BMP8A: variants seen among roughly 807,000 people sequenced by gnomAD.
BMP8A encodes bone morphogenetic protein 8a.
In BMP8A, 14 loss-of-function variants were observed where a neutral mutation model predicts 36.8. The observed-to-expected ratio is 0.38, with a 90% confidence interval of 0.25 to 0.60. The LOEUF is 0.60. BMP8A is among the 20% of genes least tolerant of loss of function. BMP8A has a pLI of 0.63. For synonymous variants in BMP8A, 120 were observed against 237.7 expected, an observed-to-expected ratio of 0.50 and a Z score of 4.55; for missense variants, 267 against 551.1, an observed-to-expected ratio of 0.48 and a Z score of 5.16.
At chr1:39,517,167 T>A (rs552918500) in intron 3 of BMP8A, among the ~76,000 whole-genome samples, 3 of 152,090 alleles carry the variant, frequency 2.0e-5, no homozygotes, top group East Asian at 1.9e-4. Context: ...TTTTATTTTT[T>A]AAATTTATTT....
chr1:39,525,908 T>C lies in BMP8A; in HGVS notation c.*110T>C. On this transcript the variant is annotated 3_prime_UTR_variant, in exon 7 of 7. Transcript: ENST00000331593. The stretch of plus-strand genomic sequence containing the variant: ...GCTCAAGCAGGAGTGTCAGGGGCCC[T>C]CACTCTCGGTGCCTACTTCCTGTCA... 2 of 1,528,226 alleles carry C rather than the reference T, an allele frequency of 1.3e-6. No homozygotes were observed. The highest frequency in any genetic ancestry group is 1.8e-6 in the Non-Finnish European group (2 of 1,131,184). 94.7% of individuals were successfully genotyped at this position (1,528,226 alleles called of 1,614,324 possible). A position where few individuals can be genotyped will look rare whatever the true frequency, so the allele number is the denominator to read the frequency against.
intron 3 of BMP8A, among the ~76,000 whole-genome samples, chr1:39,516,911 A>C (rs1162107233): frequency 1.3e-5 from 2 of 152,022 alleles, no homozygotes; most frequent in Non-Finnish European, 2.9e-5. Context: ...GCAGTGAGAA[A>C]TAGGCGAGCA....
intron 3 of BMP8A, chr1:39,516,093 T>C: frequency 4.2e-6 from 3 of 720,558 alleles, no homozygotes; most frequent in Middle Eastern, 7.2e-4. Context: ...TTCGCCATGA[T>C]CCGAGGGGGA....
intron 1 of BMP8A, among the ~76,000 whole-genome samples, chr1:39,496,193 C>T (rs1158845708): frequency 7.2e-6 from 1 of 138,108 alleles, no homozygotes; most frequent in East Asian, 2.2e-4. Context: ...AGTTCTGTAG[C>T]ACCTACCACG....
Position 39,511,224 on chromosome 1 carries a change from C to A in BMP8A, c.385C>A (p.Arg129Ser). ...CCAGGAGCCCCATTGGAAGGAGTTCCGCTTTGACCTGACCCAGATCCCGGC... is the reference window on the plus strand; with the variant it reads ...CCAGGAGCCCCATTGGAAGGAGTTCAGCTTTGACCTGACCCAGATCCCGGC... ...GHQEPHWKEF[R>S]FDLTQIPAGE... is the part of the protein sequence containing the mutation. Residue 129 changes from arginine (R) to serine (S), a missense_variant, in exon 2 of 7, where the codon CGC becomes AGC. By Grantham distance (110) the Arg-to-Ser change is moderately radical. Transcript: ENST00000331593. The A allele has an allele frequency of 2.8e-6, 4 of 1,447,662 alleles. No homozygotes were observed. Among genetic ancestry groups the A allele is most frequent in the Non-Finnish European group, 9.3e-7 (1 of 1,077,578 alleles). 89.7% of individuals were successfully genotyped at this position (1,447,662 alleles called of 1,614,324 possible).
At chr1:39,511,085 G>A in intron 1 of BMP8A, 89 bp from the exon 2 acceptor site, 4 of 1,572,360 alleles carry the variant, frequency 2.5e-6, no homozygotes, top group Non-Finnish European at 3.5e-6. Flanking sequence ...TGAGTGGTGG[G>A]TGTCTGGGGG....
intron 2 of BMP8A, 73 bp downstream of exon 2, chr1:39,511,436 G>A: frequency 1.8e-6 from 1 of 555,114 alleles, no homozygotes; most frequent in South Asian, 2.1e-5. Flanking sequence ...CAGCCCAGCA[G>A]GGAGTCGTGG....
At chr1:39,493,861 C>T (rs958006668) in intron 1 of BMP8A, among the ~76,000 whole-genome samples, 23 of 152,154 alleles carry the variant, frequency 1.5e-4, no homozygotes, top group African/African-American at 5.3e-4. Context: ...CAAGAATGTC[C>T]CCAGGGAGCC....
In BMP8A at chr1:39,491,869, C is replaced by A; in HGVS notation, c.-123C>A. ...CCAGGGACCGCGCTGAGGCCGCAGA[C>A]GCCGCCCGCCGAGCCCCGCCCCCTG... is the stretch of plus-strand genomic sequence containing the variant. On this transcript the variant is annotated 5_prime_UTR_variant, in exon 1 of 7. Coordinates refer to ENST00000331593, the MANE Select transcript of BMP8A (RefSeq NM_181809.4). The A allele has an allele frequency of 2.3e-6, 2 of 886,690 alleles. No homozygotes were observed. Among genetic ancestry groups the A allele is most frequent in the East Asian group, 1.0e-4 (1 of 9,958 alleles). 54.9% of individuals were successfully genotyped at this position (886,690 alleles called of 1,614,324 possible).
In BMP8A at chr1:39,526,389, AG is replaced by A. The variant is rs1645483880; in HGVS notation, c.*592del. ...AGTCTCACTCTGTCACCCAGGCTGGAGTGCAGTGGTGCAATCCTGGCTCACT... is the reference window on the plus strand; with the variant it reads ...AGTCTCACTCTGTCACCCAGGCTGGATGCAGTGGTGCAATCCTGGCTCACT... On this transcript the variant is annotated 3_prime_UTR_variant, in exon 7 of 7. Coordinates refer to ENST00000331593, the MANE Select transcript of BMP8A (RefSeq NM_181809.4). 6.8e-6 allele frequency among the ~76,000 whole-genome samples: 1 copy of A among 147,844 alleles called. No individual in the cohort carries two copies. Among genetic ancestry groups the A allele is most frequent in the Non-Finnish European group, 1.5e-5 (1 of 67,320 alleles).
chr1:39,503,102 A>G (rs577624469), intron 1 of BMP8A, among the ~76,000 whole-genome samples: 8 of 152,196 alleles, frequency 5.3e-5, no homozygotes, highest in Non-Finnish European at 1.2e-4. Context: ...TCTTCCTTTC[A>G]AAAGAATTCC....
intron 1 of BMP8A, among the ~76,000 whole-genome samples, chr1:39,502,742 A>G (rs1306338917): frequency 6.6e-6 from 1 of 152,212 alleles, no homozygotes; most frequent in Non-Finnish European, 1.5e-5. Context: ...TGAATCCATA[A>G]TGATATAAAT....
chr1:39,519,774 G>A (rs1160640726), intron 3 of BMP8A, among the ~76,000 whole-genome samples: 6 of 151,148 alleles, frequency 4.0e-5, no homozygotes, highest in African/African-American at 1.5e-4. Context: ...TGTGATGTCT[G>A]TCTGAGCGTA....
intron 3 of BMP8A, among the ~76,000 whole-genome samples, chr1:39,519,599 G>C (rs1409749416): frequency 1.3e-5 from 2 of 148,630 alleles, no homozygotes; most frequent in African/African-American, 4.9e-5. Context: ...GTCAAAGGTT[G>C]GTCTCTGGAT....
At position 39,522,640 on chromosome 1, in the gene BMP8A, A is replaced by C. The variant is rs547249403; in HGVS notation, c.948+158A>C. ...TTTCTAAAGTGAGAATATGGTGAGA[A>C]AGGGTTTTGTTGTTGTTGTTGTGTT... On this transcript the variant is annotated intron_variant, in intron 5 of 6. Transcript: ENST00000331593. The C allele has an allele frequency of 3.7e-5, 45 of 1,221,940 alleles. 1 individual carries two copies. In the Admixed American group the frequency reaches 1.4e-3, roughly 37 times the overall value. The allele number at this position is 1,221,940 out of a possible 1,614,324, so 75.7% of individuals were successfully genotyped here. A position where few individuals can be genotyped will look rare whatever the true frequency, so the allele number is the denominator to read the frequency against.
At chr1:39,494,587 T>A (rs1394939158) in intron 1 of BMP8A, among the ~76,000 whole-genome samples, 1 of 152,132 alleles carries the variant, frequency 6.6e-6, no homozygotes, top group Non-Finnish European at 1.5e-5. Flanking sequence ...ACTCCTGAAC[T>A]CAAGCAATCC....
At chr1:39,504,501 T>C (rs998693181) in intron 1 of BMP8A, among the ~76,000 whole-genome samples, 5 of 152,160 alleles carry the variant, frequency 3.3e-5, no homozygotes, top group Non-Finnish European at 5.9e-5. Context: ...AACATCTCAA[T>C]GCAGTAAAGA....
chr1:39,515,480 C>T (rs1182340487), intron 3 of BMP8A: 1 of 975,124 alleles, frequency 1.0e-6, no homozygotes, highest in African/African-American at 1.8e-5. Flanking sequence ...TCCGCTACAC[C>T]CCGGACGGCC....
chr1:39,492,844 G>C (rs1247088768), intron 1 of BMP8A, among the ~76,000 whole-genome samples: 2 of 152,174 alleles, frequency 1.3e-5, no homozygotes, highest in African/African-American at 4.8e-5. Context: ...GAGCGGCTGG[G>C]GAAGGAGCAG....
Sources: gnomAD v4.1 joint callset for allele counts (sites outside exome capture counted in the v4.1 genomes callset) on GRCh38, gnomAD v4.1.1 for gene constraint, MANE v1.5 for transcripts, NCBI Gene and HGNC (gene_info 2026-07-23, HGNC 2026-07-21) for gene names.